Variants in DROSHA observed in about 807,000 individuals in gnomAD.
The protein encoded by DROSHA is ribonuclease 3.
In DROSHA, 56 loss-of-function variants were observed where a neutral mutation model predicts 181.9. The ratio of observed to expected loss-of-function variants is 0.31; its 90% confidence interval spans 0.25 to 0.38. The LOEUF is 0.38. DROSHA is among the 10% of genes least tolerant of loss of function. The pLI is 1.00. For missense variants in DROSHA, 1,218 were observed against 1,743.5 expected (o/e 0.70, Z 5.37); for synonymous variants, 524 against 591.2 (o/e 0.89, Z 1.65).
At chr5:31,454,628 A>T (rs1166971530) in intron 20 of DROSHA, among the ~76,000 whole-genome samples, 1 of 152,140 alleles carries the variant, frequency 6.6e-6, no homozygotes, top group African/African-American at 2.4e-5. Flanking sequence ...GAGTAGAATA[A>T]CATCCTTGCT....
intron 6 of DROSHA, among the ~76,000 whole-genome samples, chr5:31,519,980 A>T (rs1428370850): frequency 6.6e-6 from 1 of 151,736 alleles, no homozygotes. Flanking sequence ...TTTTTGTGTC[A>T]TTTTTTTTCC....
chr5:31,470,277 C>G lies in DROSHA; in HGVS notation c.2241+1786G>C, dbSNP rs559577523. 6.6e-6 allele frequency among the ~76,000 whole-genome samples: 1 copy of G among 152,304 alleles called. No individual in the cohort carries two copies. Among genetic ancestry groups the G allele is most frequent in the Non-Finnish European group, 1.5e-5 (1 of 68,016 alleles). ...ATTTCTCAATTCCTCAGAGATCTTA[C>G]TGTTTAGGAAGCACCCCTGGCAAGC... is the stretch of plus-strand genomic sequence containing the variant. On this transcript the variant is annotated intron_variant, in intron 17 of 35. Coordinates refer to ENST00000344624, the MANE Select transcript of DROSHA (RefSeq NM_001382508.1). The surrounding 1 kb of genome is among the most constrained non-coding windows in gnomAD (Gnocchi z 4.0).
intron 16 of DROSHA, among the ~76,000 whole-genome samples, chr5:31,475,965 G>C (rs1375690051): frequency 6.6e-6 from 1 of 152,148 alleles, no homozygotes; most frequent in Non-Finnish European, 1.5e-5. Context: ...GTGGGAGAGA[G>C]GAATACTTAA....
At chr5:31,429,566 G>A (rs1433393132) in intron 26 of DROSHA, 21 bp from the exon 27 acceptor site, 1 of 1,602,790 alleles carries the variant, frequency 6.2e-7, no homozygotes, top group South Asian at 1.1e-5. Flanking sequence ...AACAGAGAAT[G>A]CCAAAAGAGA....
At chr5:31,424,523 C>T (rs1743237106) in intron 27 of DROSHA, 52 bp from the exon 28 acceptor site, 1 of 1,533,244 alleles carries the variant, frequency 6.5e-7, no homozygotes, top group African/African-American at 1.4e-5. Flanking sequence ...TTAACGCACT[C>T]TAGAGTACTA....
chr5:31,489,068 T>C, intron 13 of DROSHA: 1 of 152,196 alleles, frequency 6.6e-6, no homozygotes, highest in East Asian at 1.9e-4. Flanking sequence ...AGGAGGTTCA[T>C]TTCAAAAGGC....
intron 8 of DROSHA, among the ~76,000 whole-genome samples, chr5:31,511,931 G>A (rs199505395): frequency 1.3e-4 from 19 of 145,464 alleles, no homozygotes; most frequent in African/African-American, 2.0e-4. Context: ...TCACACACAC[G>A]CACACACACA....
chr5:31,410,088 C>T (rs1741126714), intron 31 of DROSHA, among the ~76,000 whole-genome samples: 1 of 151,678 alleles, frequency 6.6e-6, no homozygotes, highest in South Asian at 2.1e-4. Context: ...AATGCCTTTG[C>T]ACTTTGTAAA....
intron 8 of DROSHA, among the ~76,000 whole-genome samples, chr5:31,511,921 TCACACACA>T (rs756142768): frequency 0.014 from 1,873 of 131,658 alleles, 16 homozygotes; most frequent in Middle Eastern, 0.071. Context: ...TCTCTCTCTC[TCACACACA>T]CGCACACACA....
chr5:31,421,932 G>GTGTGTGTGTGTGTGTGTGTGTGTGTGTA (rs1554020895), intron 29 of DROSHA: 1 of 108,530 alleles, frequency 9.2e-6, no homozygotes, highest in Non-Finnish European at 1.7e-5. Flanking sequence ...GTGTGTGTGT[G>GTGTGTGTGTGTGTGTGTGTGTGTGTGTA]TATATAAATT....
Position 31,430,301 on chromosome 5 carries a change from T to C in DROSHA, c.3146-756A>G, listed in dbSNP as rs1305961522. On this transcript the variant is annotated intron_variant, in intron 26 of 35. Coordinates refer to ENST00000344624, the MANE Select transcript of DROSHA (RefSeq NM_001382508.1). The stretch of plus-strand genomic sequence containing the variant: ...GCAGCTGTTGTGGTTTGGGAAACAC[T>C]TATGTCCTGGGTACCATGCAAAGCA... 4.6e-5 allele frequency among the ~76,000 whole-genome samples: 7 copies of C among 152,230 alleles called. No individual in the cohort carries two copies. The East Asian group carries it at 1.3e-3, about 29-fold the overall frequency.
chr5:31,487,120 T>G (rs1378882639), intron 13 of DROSHA, among the ~76,000 whole-genome samples: 1 of 152,208 alleles, frequency 6.6e-6, no homozygotes, highest in African/African-American at 2.4e-5. Flanking sequence ...TCCCAAATGC[T>G]TCACAATATT....
chr5:31,461,118 C>T (rs1748359190), intron 20 of DROSHA, among the ~76,000 whole-genome samples: 1 of 152,122 alleles, frequency 6.6e-6, no homozygotes, highest in Admixed American at 6.5e-5. Context: ...ACGACCAAAA[C>T]AGCTTCCAAA....
chr5:31,457,568 C>T (rs1281461619), intron 20 of DROSHA, among the ~76,000 whole-genome samples: 2 of 151,620 alleles, frequency 1.3e-5, no homozygotes, highest in Non-Finnish European at 2.9e-5. Flanking sequence ...AAACATTTTA[C>T]ATAATTATAA....
intron 6 of DROSHA, among the ~76,000 whole-genome samples, chr5:31,520,840 G>A (rs1262358612): frequency 6.6e-6 from 1 of 151,922 alleles, no homozygotes; most frequent in Non-Finnish European, 1.5e-5. Flanking sequence ...GAATTTCCAA[G>A]GTTTTTTAAA....
At chr5:31,506,589 AAT>A (rs1217176520) in intron 10 of DROSHA, among the ~76,000 whole-genome samples, 15 of 151,660 alleles carry the variant, frequency 9.9e-5, no homozygotes, top group Non-Finnish European at 2.1e-4. Context: ...AAGGCAGGAG[AAT>A]CGCTTGAACC....
At chr5:31,456,377 G>A (rs1011719969) in intron 20 of DROSHA, among the ~76,000 whole-genome samples, 4 of 151,704 alleles carry the variant, frequency 2.6e-5, no homozygotes, top group South Asian at 2.1e-4. Context: ...GCAACAAAAG[G>A]ATATCACTTC....
chr5:31,482,975 C>T (rs1751206799), intron 16 of DROSHA, among the ~76,000 whole-genome samples: 5 of 151,730 alleles, frequency 3.3e-5, no homozygotes, highest in Admixed American at 2.0e-4. Context: ...TTTAAAAACA[C>T]TAAATATAAT....
At chr5:31,420,082 C>A (rs533628097) in intron 30 of DROSHA, among the ~76,000 whole-genome samples, 17 of 152,124 alleles carry the variant, frequency 1.1e-4, no homozygotes, top group East Asian at 5.8e-4. Flanking sequence ...TGAAAAATGA[C>A]ATCTAAACAG....
Sources: gnomAD v4.1 joint callset for allele counts (sites outside exome capture counted in the v4.1 genomes callset) on GRCh38, gnomAD v4.1.1 for gene constraint, Gnocchi (gnomAD v3.1) non-coding constraint, MANE v1.5 for transcripts, NCBI Gene and HGNC (gene_info 2026-07-23, HGNC 2026-07-21) for gene names.